MICAL2: variants seen among roughly 807,000 people sequenced by gnomAD.
The protein encoded by MICAL2 is microtubule associated monooxygenase, calponin and LIM domain containing 2.
MICAL2 carries 77 observed loss-of-function variants against 127.3 expected under a neutral mutation model. The observed-to-expected ratio is 0.60, with a 90% CI of 0.50 to 0.73. MICAL2 has a LOEUF of 0.73. Among genes scored for constraint, MICAL2 ranks in the 30% least tolerant of loss-of-function variants. The pLI is 0.00. For synonymous variants in MICAL2, 570 were observed against 551.1 expected (o/e 1.03, Z -0.48); for missense variants, 1,351 against 1,434.4 (o/e 0.94, Z 0.94).
intron 22 of MICAL2, among the ~76,000 whole-genome samples, chr11:12,250,723 A>T (rs1861423976): frequency 6.6e-6 from 1 of 150,886 alleles, no homozygotes; most frequent in South Asian, 2.1e-4. Context: ...GGACTTTGAA[A>T]TTACTAGTTC....
At position 12,262,242 on chromosome 11, in the gene MICAL2, G is replaced by A. The variant is rs370922425; in HGVS notation, c.3335-238G>A. On this transcript the variant is annotated intron_variant, in intron 26 of 27. Coordinates refer to ENST00000683283, the MANE Select transcript of MICAL2 (RefSeq NM_001282663.2). ...AAAATGGGGGCAGAGAGGATATCAG[G>A]GAGCAAGATGCAAACTGTGTGCATC... is the stretch of plus-strand genomic sequence containing the variant. The A allele has an allele frequency of 4.3e-6, 6 of 1,395,332 alleles. No individual in the cohort carries two copies. The South Asian group carries it at 6.2e-5, about 14-fold the overall frequency. 86.4% of individuals were successfully genotyped at this position (1,395,332 alleles called of 1,614,324 possible).
At chr11:12,312,491 G>A (rs2134825638) in intron 29 of MICAL2, among the ~76,000 whole-genome samples, 1 of 152,172 alleles carries the variant, frequency 6.6e-6, no homozygotes, top group African/African-American at 2.4e-5. Context: ...TCCACAGCGT[G>A]TTTAGAAAAA....
intron 8 of MICAL2, among the ~76,000 whole-genome samples, chr11:12,218,334 C>T (rs139170482): frequency 4.6e-5 from 7 of 152,310 alleles, no homozygotes; most frequent in African/African-American, 1.7e-4. Flanking sequence ...TCCTCATCTG[C>T]TCCCTATGGT....
chr11:12,236,104 C>G, intron 15 of MICAL2, 73 bp from the exon 16 acceptor site: 1 of 1,314,958 alleles, frequency 7.6e-7, no homozygotes, highest in East Asian at 2.3e-5. Context: ...CAGCCCTATG[C>G]CCTCAGGGAT....
Position 12,220,135 on chromosome 11 carries a change from G to T in MICAL2, c.949-66G>T. 1.4e-5 allele frequency: 22 copies of T among 1,591,018 alleles called. No homozygotes were observed. The South Asian group carries it at 2.5e-4, about 18-fold the overall frequency. ...GACCCATTCCAAGTCCTTTTGCCAA[G>T]AGGTGGGTATGAAGGCTAGCCCTTT... On this transcript the variant is annotated intron_variant, in intron 8 of 27. Coordinates refer to ENST00000683283, the MANE Select transcript of MICAL2 (RefSeq NM_001282663.2).
chr11:12,137,781 T>C (rs1389290071), intron 1 of MICAL2, among the ~76,000 whole-genome samples: 3 of 152,216 alleles, frequency 2.0e-5, no homozygotes, highest in Admixed American at 2.0e-4. Context: ...AGTAAATCAT[T>C]AGAAATATTT....
intron 24 of MICAL2, among the ~76,000 whole-genome samples, chr11:12,269,700 C>G (rs1863652869): frequency 6.6e-6 from 1 of 152,230 alleles, no homozygotes. Flanking sequence ...CACTGCCTGT[C>G]AAAGCTTGCA....
At chr11:12,359,473 A>G (rs1301647425), downstream of MICAL2, among the ~76,000 whole-genome samples, 1 of 152,178 alleles carries the variant, frequency 6.6e-6, no homozygotes, top group East Asian at 1.9e-4. Flanking sequence ...AGACTCAAAG[A>G]GAGAAGTATC....
intron 3 of MICAL2, among the ~76,000 whole-genome samples, chr11:12,174,427 G>A (rs11022224): frequency 0.14 from 19,561 of 137,962 alleles, 1,944 homozygotes; most frequent in East Asian, 0.49. Flanking sequence ...TAGGTACCTC[G>A]TTTAAGTGGA....
intron 6 of MICAL2, 131 bp from the exon 7 acceptor site, chr11:12,213,124 G>A: frequency 9.3e-7 from 1 of 1,075,210 alleles, no homozygotes. Context: ...GCCCGCTCCT[G>A]TCCACTAGAG....
intron 2 of MICAL2, among the ~76,000 whole-genome samples, chr11:12,151,141 G>A (rs1432101353): frequency 3.3e-5 from 5 of 152,228 alleles, no homozygotes; most frequent in African/African-American, 9.6e-5. Context: ...TGAAACCAAG[G>A]AAATGAACTA....
rs752615508 is a variant in MICAL2, at chr11:12,223,508, G to A, written c.1540+7G>A. On this transcript the variant is annotated splice_region_variant and intron_variant, in intron 12 of 27. Transcript: ENST00000683283. ...GTCAACCTCTCCAGGAAGGGTAAGC[G>A]GCCCTCCTGGGACCCTGGTGGGTGG... is the stretch of plus-strand genomic sequence containing the variant. 85 of 1,611,946 alleles carry A rather than the reference G, an allele frequency of 5.3e-5. No homozygotes were observed. The highest frequency in any genetic ancestry group is 9.4e-5 in the African/African-American group (7 of 74,858).
intron 3 of MICAL2, among the ~76,000 whole-genome samples, chr11:12,182,839 A>C (rs1003321667): frequency 9.2e-5 from 14 of 152,154 alleles, no homozygotes; most frequent in African/African-American, 3.4e-4. Context: ...GGGAATGTGT[A>C]GGCCGATCCT....
chr11:12,346,121 A>G (rs1275742378), intron 32 of MICAL2, among the ~76,000 whole-genome samples: 1 of 152,226 alleles, frequency 6.6e-6, no homozygotes, highest in East Asian at 1.9e-4. Context: ...ACAGCCCTGC[A>G]GTGGGCTTCC....
Position 12,220,280 on chromosome 11 carries a change from C to T in MICAL2, c.1028C>T (p.Ala343Val). 4 of 1,614,238 alleles carry T rather than the reference C, an allele frequency of 2.5e-6. No individual in the cohort carries two copies. Among genetic ancestry groups the T allele is most frequent in the Non-Finnish European group, 3.4e-6 (4 of 1,180,030 alleles). ...DNLLSYAREA[A>V]DFATNYQLPS... ...CTGCTATCCTATGCCCGGGAAGCTG[C>T]AGACTTTGCCACCAACTACCAGCTG... The change falls in exon 9 of 28, where the codon GCA (alanine) becomes GTA (valine). Residue 343 changes from alanine to valine, a missense_variant. This residue lies in a region of MICAL2 where 599 missense variants were observed against 714.9 expected (regional missense o/e 0.84). Coordinates refer to ENST00000683283, the MANE Select transcript of MICAL2 (RefSeq NM_001282663.2).
intron 32 of MICAL2, among the ~76,000 whole-genome samples, chr11:12,334,411 C>T (rs192683885): frequency 4.0e-5 from 6 of 151,870 alleles, no homozygotes; most frequent in Admixed American, 3.9e-4. Flanking sequence ...CAGACACAAC[C>T]ATCCTTTTTT....
intron 26 of MICAL2, chr11:12,260,358 AGG>A (rs1862937487): frequency 7.6e-7 from 1 of 1,309,834 alleles, no homozygotes; most frequent in African/African-American, 1.5e-5. Flanking sequence ...TCACGGTGCT[AGG>A]GCCAGGGATG....
chr11:12,323,988 CACTT>C lies in MICAL2; in HGVS notation c.5341_5344del (p.Leu1781GlufsTer6), dbSNP rs778044725. The C allele has an allele frequency of 9.3e-6, 15 of 1,607,752 alleles. No individual in the cohort carries two copies. The highest frequency in any genetic ancestry group is 1.3e-5 in the Non-Finnish European group (15 of 1,176,506). ...CATTGGTTTTCATAGGAGAAGAAGACACTTAGAAGAAGAAAGAAGCTAGAAAAAG... is the reference window on the plus strand; with the variant it reads ...CATTGGTTTTCATAGGAGAAGAAGACAGAAGAAGAAAGAAGCTAGAAAAAG... On this transcript the variant is annotated frameshift_variant, in exon 31 of 35. Coordinates refer to the MICAL2 transcript ENST00000646065. LOFTEE classifies it high-confidence loss of function.
At chr11:12,345,116 C>CA (rs796748173) in intron 32 of MICAL2, among the ~76,000 whole-genome samples, 4,764 of 110,434 alleles carry the variant, frequency 0.043, 328 homozygotes, top group African/African-American at 0.15. Context: ...GAATCCATCT[C>CA]AAAAAAAAAA....
Sources: allele counts gnomAD v4.1 joint callset (sites outside exome capture counted in the v4.1 genomes callset), GRCh38; gene constraint gnomAD v4.1.1; regional missense constraint gnomAD v4.1.1; transcripts MANE v1.5; gene names NCBI Gene and HGNC (gene_info 2026-07-23, HGNC 2026-07-21).